The following ROBO2 variants were observed in gnomAD, a reference collection of about 807,000 sequenced individuals.
The protein encoded by ROBO2 is roundabout guidance receptor 2.
In ROBO2, 53 loss-of-function variants were observed where a neutral mutation model predicts 160.8. The observed-to-expected ratio is 0.33, with a 90% CI of 0.26 to 0.41. ROBO2 has a LOEUF of 0.41. ROBO2 is among the 10% of genes least tolerant of loss of function. The probability of loss-of-function intolerance (pLI) is 1.00; values close to 1 mark genes in which losing one functional copy is unlikely to be tolerated. For synonymous variants in ROBO2, 664 were observed against 611.7 expected, an observed-to-expected ratio of 1.09 and a Z score of -1.26; for missense variants, 1,577 against 1,722.4, an observed-to-expected ratio of 0.92 and a Z score of 1.49.
At position 77,277,181 on chromosome 3, in the gene ROBO2, T is replaced by TTTCTTTC. The variant is rs1553882955; in HGVS notation, c.388+178844_388+178850dup. ...CCTTCTTTCTTTCTTTCTTTCTTTCTTTCTTTCTTTCTTTCTTTCTTTCTT... is the reference window on the plus strand; with the variant it reads ...CCTTCTTTCTTTCTTTCTTTCTTTCTTTCTTTCTTCTTTCTTTCTTTCTTTCTTTCTT... On this transcript the variant is annotated intron_variant, in intron 2 of 25. Transcript: ENST00000461745. Among the ~76,000 whole-genome samples, 185 of 100,238 alleles carry TTTCTTTC rather than the reference T, an allele frequency of 1.8e-3. 2 individuals carry two copies. Among genetic ancestry groups the TTTCTTTC allele is most frequent in the African/African-American group, 6.4e-3 (173 of 26,954 alleles). 65.8% of individuals were successfully genotyped at this position (100,238 alleles called of 152,430 possible).
chr3:76,231,132 G>A (rs1196648894), intron 2 of ROBO2, among the ~76,000 whole-genome samples: 1 of 152,188 alleles, frequency 6.6e-6, no homozygotes, highest in Non-Finnish European at 1.5e-5. Flanking sequence ...CCCAGTCAGA[G>A]AAACTTTGTT....
At chr3:76,851,278 G>A (rs2069315662) in intron 2 of ROBO2, among the ~76,000 whole-genome samples, 1 of 152,084 alleles carries the variant, frequency 6.6e-6, no homozygotes, top group African/African-American at 2.4e-5. Context: ...CATTTCAAGT[G>A]CTCAATAACC....
intron 2 of ROBO2, among the ~76,000 whole-genome samples, chr3:76,719,265 A>T (rs1194646461): frequency 6.6e-6 from 1 of 152,230 alleles, no homozygotes; most frequent in African/African-American, 2.4e-5. Flanking sequence ...AATTTATTTG[A>T]ATGTATAGAT....
At chr3:77,564,407 C>G (rs1302640600) in intron 11 of ROBO2, 4 of 453,902 alleles carry the variant, frequency 8.8e-6, no homozygotes, top group Admixed American at 4.8e-5. Context: ...ACAATGTAAC[C>G]AAGGGAAAAT....
chr3:76,232,518 A>G (rs1221630420), intron 2 of ROBO2, among the ~76,000 whole-genome samples: 3 of 152,252 alleles, frequency 2.0e-5, no homozygotes, highest in African/African-American at 2.4e-5. Flanking sequence ...GATTATTTGC[A>G]TCAGGGCAAA....
intron 2 of ROBO2, among the ~76,000 whole-genome samples, chr3:76,960,405 A>T (rs1221048471): frequency 6.6e-6 from 1 of 151,904 alleles, no homozygotes; most frequent in East Asian, 1.9e-4. Flanking sequence ...TACACTGATT[A>T]TTTTTTTCCT....
chr3:75,987,018 T>G (rs2065432571), intron 2 of ROBO2, among the ~76,000 whole-genome samples: 1 of 151,832 alleles, frequency 6.6e-6, no homozygotes, highest in Non-Finnish European at 1.5e-5. Flanking sequence ...TTCTGCAGCT[T>G]TGTTCTTTTT....
At chr3:77,067,479 T>C (rs1186925492) in intron 1 of ROBO2, among the ~76,000 whole-genome samples, 1 of 152,208 alleles carries the variant, frequency 6.6e-6, no homozygotes, top group Non-Finnish European at 1.5e-5. Flanking sequence ...CTGATATATG[T>C]GTCATATATG....
At chr3:76,884,576 T>A (rs1404506910) in intron 2 of ROBO2, among the ~76,000 whole-genome samples, 1 of 152,174 alleles carries the variant, frequency 6.6e-6, no homozygotes, top group Non-Finnish European at 1.5e-5. Flanking sequence ...CACCTTTGAC[T>A]CAGTTCTCAG....
intron 2 of ROBO2, among the ~76,000 whole-genome samples, chr3:77,272,447 C>T (rs1395503482): frequency 3.3e-5 from 5 of 151,884 alleles, no homozygotes; most frequent in African/African-American, 1.2e-4. Flanking sequence ...TTTTAACCAA[C>T]CAGATTTCAT....
intron 2 of ROBO2, among the ~76,000 whole-genome samples, chr3:77,204,316 A>G (rs2083204494): frequency 6.6e-6 from 1 of 152,050 alleles, no homozygotes; most frequent in African/African-American, 2.4e-5. Context: ...CTTTTTTTTT[A>G]GCAAAATATG....
intron 2 of ROBO2, among the ~76,000 whole-genome samples, chr3:76,354,660 G>C (rs2075054590): frequency 6.6e-6 from 1 of 151,718 alleles, no homozygotes; most frequent in South Asian, 2.1e-4. Context: ...TGAATTTTCG[G>C]TGTCACAAAT....
intron 2 of ROBO2, among the ~76,000 whole-genome samples, chr3:76,599,244 G>A (rs988865829): frequency 6.6e-6 from 1 of 151,934 alleles, no homozygotes; most frequent in Non-Finnish European, 1.5e-5. Context: ...TGTTAAGTAG[G>A]CCCCAGTGTC....
At chr3:75,949,092 G>A (rs536311608) in intron 2 of ROBO2, among the ~76,000 whole-genome samples, 4 of 152,142 alleles carry the variant, frequency 2.6e-5, no homozygotes, top group African/African-American at 9.6e-5. Context: ...AAAGCCAGAT[G>A]TTATTTGTTT....
intron 2 of ROBO2, among the ~76,000 whole-genome samples, chr3:76,601,208 G>A (rs549764886): frequency 6.6e-6 from 1 of 152,290 alleles, no homozygotes; most frequent in Non-Finnish European, 1.5e-5. Flanking sequence ...ACAGGCTGGT[G>A]TTGAGTGCCT....
intron 2 of ROBO2, among the ~76,000 whole-genome samples, chr3:76,983,424 A>G (rs1401289849): frequency 6.6e-6 from 1 of 152,222 alleles, no homozygotes; most frequent in Non-Finnish European, 1.5e-5. Context: ...GATTTAGTAA[A>G]TACATTTCTC....
chr3:75,952,586 C>A (rs747440776), intron 2 of ROBO2, among the ~76,000 whole-genome samples: 1 of 151,840 alleles, frequency 6.6e-6, no homozygotes, highest in Admixed American at 6.6e-5. Context: ...TAACATCTTG[C>A]GATAGTGTGG....
rs76721429 is a variant in ROBO2, at chr3:76,090,772, G to A, written c.109+153170G>A. Among the ~76,000 whole-genome samples, 207 of 152,214 alleles carry A rather than the reference G, an allele frequency of 1.4e-3. No individual in the cohort carries two copies. The South Asian group carries it at 0.024, about 17-fold the overall frequency. On this transcript the variant is annotated intron_variant, in intron 2 of 26. Coordinates refer to the ROBO2 transcript ENST00000487694. ...AGAACGGAACGGAACGGAACGGAACGGGAGAGCCCAGAAACAGACCCACAT... is the reference window on the plus strand; with the variant it reads ...AGAACGGAACGGAACGGAACGGAACAGGAGAGCCCAGAAACAGACCCACAT...
chr3:77,294,938 G>A (rs1365562368), intron 2 of ROBO2, among the ~76,000 whole-genome samples: 2 of 151,776 alleles, frequency 1.3e-5, no homozygotes, highest in African/African-American at 4.8e-5. Flanking sequence ...AAGTAAAATT[G>A]ATGGTTAAAC....
Sources: allele counts gnomAD v4.1 joint callset (sites outside exome capture counted in the v4.1 genomes callset), GRCh38; gene constraint gnomAD v4.1.1; transcripts MANE v1.5; gene names NCBI Gene and HGNC (gene_info 2026-07-23, HGNC 2026-07-21).